The following MCC variants were observed in gnomAD, a reference collection of about 807,000 sequenced individuals.
MCC encodes the protein colorectal mutant cancer protein.
MCC carries 90 observed loss-of-function variants against 116.2 expected under a neutral mutation model. That is an observed-to-expected ratio of 0.77 (90% CI 0.65 to 0.92). The LOEUF (loss-of-function observed/expected upper bound fraction) is 0.92. Ranked by LOEUF, MCC falls within the 40% of genes least tolerant of loss-of-function variation. The probability of loss-of-function intolerance (pLI) is 0.00; values close to 1 mark genes in which losing one functional copy is unlikely to be tolerated. For synonymous variants in MCC, 578 were observed against 510.5 expected, an observed-to-expected ratio of 1.13 and a Z score of -1.78; for missense variants, 1,516 against 1,312.2, an observed-to-expected ratio of 1.16 and a Z score of -2.40.
intron 3 of MCC, among the ~76,000 whole-genome samples, chr5:113,280,122 A>G (rs1765985238): frequency 6.6e-6 from 1 of 152,142 alleles, no homozygotes; most frequent in Non-Finnish European, 1.5e-5. Context: ...CCAAGTTCAG[A>G]TACTCTCATG....
intron 1 of MCC, among the ~76,000 whole-genome samples, chr5:113,403,037 G>A (rs72797945): frequency 0.025 from 3,871 of 152,154 alleles, 75 homozygotes; most frequent in Non-Finnish European, 0.042. Flanking sequence ...AGTGTTCAAA[G>A]ACTTTCATAG....
rs1163903662 is a variant in MCC at position 113,034,280 on chromosome 5, T to A, written c.2757-5224A>T. Among the ~76,000 whole-genome samples, 3 of 152,080 alleles carry A rather than the reference T, an allele frequency of 2.0e-5. No individual in the cohort carries two copies. The South Asian group carries it at 6.2e-4, about 32-fold the overall frequency. ...AGGGAATTAAGAGGCAGCCTCGTGG[T>A]GTGAATTTAAAGGTAATATGAAAAC... On this transcript the variant is annotated intron_variant, in intron 17 of 18. Transcript: ENST00000408903.
chr5:113,149,174 A>T (rs1443788068), intron 4 of MCC, among the ~76,000 whole-genome samples: 1 of 152,128 alleles, frequency 6.6e-6, no homozygotes, highest in African/African-American at 2.4e-5. Context: ...GGTGGGTATA[A>T]ATTAGAAAAC....
chr5:113,424,132 T>TAA (rs1316463075), intron 1 of MCC, among the ~76,000 whole-genome samples: 2 of 112,662 alleles, frequency 1.8e-5, no homozygotes, highest in Admixed American at 1.8e-4. Flanking sequence ...AGTCATCCTC[T>TAA]ACACACACAC....
At chr5:113,050,847 G>A (rs181529894) in intron 15 of MCC, among the ~76,000 whole-genome samples, 4 of 152,348 alleles carry the variant, frequency 2.6e-5, no homozygotes, top group Admixed American at 2.0e-4. Flanking sequence ...CCCTCCACCC[G>A]GGGGCTTAAC....
At chr5:113,156,859 G>C (rs1033803009) in intron 3 of MCC, among the ~76,000 whole-genome samples, 3 of 152,084 alleles carry the variant, frequency 2.0e-5, no homozygotes, top group African/African-American at 7.2e-5. Flanking sequence ...GGTTATTTTT[G>C]GATAAAACAT....
chr5:113,218,273 A>T (rs1450179340), intron 3 of MCC, among the ~76,000 whole-genome samples: 1 of 152,134 alleles, frequency 6.6e-6, no homozygotes, highest in Non-Finnish European at 1.5e-5. Flanking sequence ...CTGGCCTTCA[A>T]TAGTTTTATT....
intron 1 of MCC, among the ~76,000 whole-genome samples, chr5:113,458,461 G>A (rs920058130): frequency 2.6e-5 from 4 of 151,860 alleles, no homozygotes; most frequent in African/African-American, 7.3e-5. Context: ...CTCCAGACGC[G>A]CCACCTTAAG....
chr5:113,191,649 A>G (rs1762154812), intron 3 of MCC, among the ~76,000 whole-genome samples: 2 of 152,228 alleles, frequency 1.3e-5, no homozygotes. Context: ...AGAGAACAGA[A>G]GGAAGCCAGG....
In MCC at chr5:113,133,469, T is replaced by C. The variant is rs1379327487; in HGVS notation, c.884+9749A>G. On this transcript the variant is annotated intron_variant, in intron 5 of 18. Transcript: ENST00000408903. ...TTCATGTTGCTGTGACAGGATTTCA[T>C]TCTTTTTTTTTTTATAGCTGATAAT... 4.0e-5 allele frequency among the ~76,000 whole-genome samples: 6 copies of C among 151,278 alleles called. No individual in the cohort carries two copies. In the East Asian group the frequency reaches 1.2e-3, roughly 30 times the overall value.
rs1772509482 is a variant in MCC at position 113,485,807 on chromosome 5, T to C, written c.170+2438A>G. Among the ~76,000 whole-genome samples, 12 of 152,348 alleles carry C rather than the reference T, an allele frequency of 7.9e-5. No homozygotes were observed. In the South Asian group the frequency reaches 2.5e-3, roughly 32 times the overall value. ...GTTACTGTGATGACATATAGTCATC[T>C]GAAATTCTAACAGATACAGCTGTCT... is the stretch of plus-strand genomic sequence containing the variant. On this transcript the variant is annotated intron_variant, in intron 1 of 18. Transcript: ENST00000408903.
chr5:113,061,330 G>A (rs995764939), intron 14 of MCC, among the ~76,000 whole-genome samples: 1 of 152,346 alleles, frequency 6.6e-6, no homozygotes, highest in African/African-American at 2.4e-5. Flanking sequence ...TTTGTGGATT[G>A]AGATCGATGA....
At chr5:113,145,031 T>A (rs1353000688) in intron 4 of MCC, among the ~76,000 whole-genome samples, 1 of 152,182 alleles carries the variant, frequency 6.6e-6, no homozygotes, top group African/African-American at 2.4e-5. Context: ...TGATCCTACA[T>A]ACTTAAGGAA....
At chr5:113,271,133 A>C (rs936912962) in intron 3 of MCC, among the ~76,000 whole-genome samples, 3 of 152,238 alleles carry the variant, frequency 2.0e-5, no homozygotes, top group African/African-American at 7.2e-5. Flanking sequence ...ATACTTATCT[A>C]AGAGGCCTTT....
At chr5:113,082,777 C>T in intron 11 of MCC, 83 bp downstream of exon 11, 2 of 1,541,850 alleles carry the variant, frequency 1.3e-6, no homozygotes, top group Non-Finnish European at 8.8e-7. Context: ...ACATAAGCCA[C>T]CTTGAACAGA....
intron 3 of MCC, among the ~76,000 whole-genome samples, chr5:113,267,401 C>A (rs557854839): frequency 6.6e-6 from 1 of 152,144 alleles, no homozygotes; most frequent in South Asian, 2.1e-4. Flanking sequence ...AAAACCTTCA[C>A]GTTTATATAA....
chr5:113,386,143 G>T (rs1769249373), intron 1 of MCC, among the ~76,000 whole-genome samples: 1 of 152,050 alleles, frequency 6.6e-6, no homozygotes, highest in African/African-American at 2.4e-5. Context: ...TTTCAACAAA[G>T]GTCAAAGGAC....
chr5:113,100,464 C>CTTTTTTTTTTTTTTTTTTTTTTTT (rs10649958), intron 8 of MCC, among the ~76,000 whole-genome samples: 1 of 78,810 alleles, frequency 1.3e-5, no homozygotes, highest in Non-Finnish European at 2.3e-5. Context: ...GTATTTTTCC[C>CTTTTTTTTTTTTTTTTTTTTTTTT]TTTTTTTTTT....
intron 15 of MCC, 129 bp from the exon 16 acceptor site, chr5:113,049,428 A>G: frequency 1.4e-6 from 1 of 703,826 alleles, no homozygotes; most frequent in Middle Eastern, 3.9e-4. Flanking sequence ...CTCACTTTGA[A>G]GTTGGCAGTA....
Sources: gnomAD v4.1 joint callset for allele counts (sites outside exome capture counted in the v4.1 genomes callset) on GRCh38, gnomAD v4.1.1 for gene constraint, MANE v1.5 for transcripts, NCBI Gene and HGNC (gene_info 2026-07-23, HGNC 2026-07-21) for gene names.